Variants in ROBO1 observed in about 807,000 individuals in gnomAD.
ROBO1 encodes the protein roundabout guidance receptor 1.
A neutral mutation model predicts 195.9 loss-of-function variants in ROBO1; 149 were observed. That is an observed-to-expected ratio of 0.76 (90% CI 0.67 to 0.87). ROBO1 has a LOEUF of 0.87. ROBO1 is among the 40% of genes least tolerant of loss of function. The pLI is 0.00. For synonymous variants in ROBO1, 816 were observed against 733.2 expected, an observed-to-expected ratio of 1.11 and a Z score of -1.82; for missense variants, 1,933 against 2,068.3, an observed-to-expected ratio of 0.93 and a Z score of 1.27.
At chr3:79,516,230 A>C (rs1940937543) in intron 2 of ROBO1, among the ~76,000 whole-genome samples, 2 of 152,212 alleles carry the variant, frequency 1.3e-5, no homozygotes, top group African/African-American at 4.8e-5. Context: ...AATAATTTTA[A>C]ATAAAGATAA....
At chr3:79,478,681 A>G (rs1938670119) in intron 2 of ROBO1, among the ~76,000 whole-genome samples, 1 of 151,988 alleles carries the variant, frequency 6.6e-6, no homozygotes, top group African/African-American at 2.4e-5. Flanking sequence ...CACCTTCCAA[A>G]TCATTTCCAG....
At chr3:78,739,071 A>G (rs1397294414) in intron 5 of ROBO1, among the ~76,000 whole-genome samples, 1 of 152,196 alleles carries the variant, frequency 6.6e-6, no homozygotes, top group Non-Finnish European at 1.5e-5. Flanking sequence ...TAAGTCATTC[A>G]AAAATGCTTA....
intron 1 of ROBO1, among the ~76,000 whole-genome samples, chr3:79,631,198 A>C (rs895029527): frequency 6.6e-6 from 1 of 151,898 alleles, no homozygotes; most frequent in South Asian, 2.1e-4. Flanking sequence ...CAAAAAACAA[A>C]GAAAAAAAAG....
At position 79,321,148 on chromosome 3, in the gene ROBO1, T is replaced by C. The variant is rs566768356; in HGVS notation, c.89-195609A>G. ...CATGCTTCAGTTGCAGGTCAGTTTG[T>C]AAAGTTCATTTAAGTGGGCACTGAA... On this transcript the variant is annotated intron_variant, in intron 2 of 30. Transcript: ENST00000464233. 6.6e-5 allele frequency among the ~76,000 whole-genome samples: 10 copies of C among 152,308 alleles called. No individual in the cohort carries two copies. The South Asian group carries it at 2.1e-3, about 32-fold the overall frequency.
intron 5 of ROBO1, 42 bp from the exon 6 acceptor site, chr3:78,717,925 C>T: frequency 6.2e-7 from 1 of 1,602,192 alleles, no homozygotes; most frequent in Non-Finnish European, 8.5e-7. Context: ...AAAATTGCTT[C>T]AGCTATGTTT....
chr3:78,877,539 ATACT>A (rs1380982455), intron 4 of ROBO1, among the ~76,000 whole-genome samples: 4 of 152,210 alleles, frequency 2.6e-5, no homozygotes, highest in Non-Finnish European at 5.9e-5. Context: ...ATCTTAAGAA[ATACT>A]TAAGAAAAAT....
chr3:78,731,552 T>C (rs1221566297), intron 5 of ROBO1, among the ~76,000 whole-genome samples: 1 of 152,116 alleles, frequency 6.6e-6, no homozygotes, highest in Non-Finnish European at 1.5e-5. Flanking sequence ...AGCACTTACA[T>C]AGAAAGTACA....
At chr3:79,384,295 T>C (rs561395872) in intron 2 of ROBO1, among the ~76,000 whole-genome samples, 132 of 152,136 alleles carry the variant, frequency 8.7e-4, no homozygotes, top group African/African-American at 2.6e-3. Context: ...ATTCTACTTT[T>C]TGAATTCTCC....
intron 3 of ROBO1, among the ~76,000 whole-genome samples, chr3:78,959,292 A>G (rs2041217366): frequency 6.6e-6 from 1 of 152,204 alleles, no homozygotes; most frequent in African/African-American, 2.4e-5. Flanking sequence ...TGTGTGAAAG[A>G]AAGAGATTGT....
In ROBO1 at chr3:79,139,571, A is replaced by T. The variant is rs1043419027; in HGVS notation, c.89-14032T>A. ...CCTTTATAGAATTAAAAACTGAGCC[A>T]ATTGTCCGGTTGAGGTCTGCATTTA... On this transcript the variant is annotated intron_variant, in intron 2 of 30. Transcript: ENST00000464233. Among the ~76,000 whole-genome samples, 53 of 152,128 alleles carry T rather than the reference A, an allele frequency of 3.5e-4. 1 individual carries two copies. The highest frequency in any genetic ancestry group is 1.2e-3 in the African/African-American group (50 of 41,440).
chr3:78,795,303 GGAGAT>G (rs1308191385), intron 4 of ROBO1, among the ~76,000 whole-genome samples: 4 of 152,196 alleles, frequency 2.6e-5, no homozygotes, highest in African/African-American at 9.7e-5. Flanking sequence ...ATTTCTCAAA[GGAGAT>G]AATGGATTCT....
chr3:79,523,766 G>T (rs1479158791), intron 2 of ROBO1, among the ~76,000 whole-genome samples: 1 of 152,046 alleles, frequency 6.6e-6, no homozygotes, highest in Non-Finnish European at 1.5e-5. Flanking sequence ...GAGCCACTGC[G>T]CTCGGCCTAG....
intron 1 of ROBO1, among the ~76,000 whole-genome samples, chr3:79,709,475 G>C (rs1702189728): frequency 6.6e-6 from 1 of 151,796 alleles, no homozygotes; most frequent in Non-Finnish European, 1.5e-5. Context: ...TATGGAGAGA[G>C]AGGAAAAGGT....
intron 2 of ROBO1, among the ~76,000 whole-genome samples, chr3:79,267,235 T>A (rs887985808): frequency 1.3e-5 from 2 of 151,510 alleles, no homozygotes; most frequent in South Asian, 2.1e-4. Context: ...AAGAGGAATA[T>A]ATAATAAAAA....
At chr3:79,721,828 AG>A (rs1221252920) in intron 1 of ROBO1, among the ~76,000 whole-genome samples, 1 of 152,226 alleles carries the variant, frequency 6.6e-6, no homozygotes, top group African/African-American at 2.4e-5. Flanking sequence ...CAAAGTGTGA[AG>A]TGTAGAACTT....
intron 2 of ROBO1, among the ~76,000 whole-genome samples, chr3:79,186,173 G>T (rs2081434137): frequency 6.6e-6 from 1 of 152,036 alleles, no homozygotes; most frequent in Non-Finnish European, 1.5e-5. Context: ...GCTAAAGAAT[G>T]ATACCCAAGT....
intron 2 of ROBO1, among the ~76,000 whole-genome samples, chr3:79,221,221 CA>C (rs1287360624): frequency 1.3e-5 from 2 of 151,848 alleles, no homozygotes; most frequent in Non-Finnish European, 2.9e-5. Flanking sequence ...CAGTAAAAGA[CA>C]AAAAAGTAAT....
rs550876455 is a variant in ROBO1 at position 78,599,372 on chromosome 3, C to G, written c.4942-445G>C. Reference sequence around the variant, plus strand: ...TTGCAGGAGGAAAGTCTTTCTCATTCTAAACCTCAAAATCGAAATACATTG... The same window carrying G: ...TTGCAGGAGGAAAGTCTTTCTCATTGTAAACCTCAAAATCGAAATACATTG... On this transcript the variant is annotated intron_variant, in intron 30 of 30. Coordinates refer to ENST00000464233, the MANE Select transcript of ROBO1 (RefSeq NM_002941.4). Among the ~76,000 whole-genome samples the G allele has an allele frequency of 7.9e-5, 12 of 152,292 alleles. No individual in the cohort carries two copies. The South Asian group carries it at 2.3e-3, about 29-fold the overall frequency.
chr3:79,426,806 G>A (rs1218295877), intron 2 of ROBO1, among the ~76,000 whole-genome samples: 1 of 152,044 alleles, frequency 6.6e-6, no homozygotes, highest in Non-Finnish European at 1.5e-5. Flanking sequence ...TAAAAATTAA[G>A]TGATTTAGTG....
Sources: gnomAD v4.1 joint callset for allele counts (sites outside exome capture counted in the v4.1 genomes callset) on GRCh38, gnomAD v4.1.1 for gene constraint, MANE v1.5 for transcripts, NCBI Gene and HGNC (gene_info 2026-07-23, HGNC 2026-07-21) for gene names.